Variants in MTUS2 observed in about 807,000 individuals in gnomAD.
MTUS2 encodes microtubule associated scaffold protein 2.
Under a neutral mutation model 114.1 loss-of-function variants are expected in MTUS2, and 40 were observed. The ratio of observed to expected loss-of-function variants is 0.35; its 90% CI spans 0.27 to 0.46. MTUS2 has a LOEUF of 0.46. Ranked by LOEUF, MTUS2 falls within the 20% of genes least tolerant of loss-of-function variation. MTUS2 has a pLI of 1.00. For synonymous variants in MTUS2, 688 were observed against 672.0 expected, an observed-to-expected ratio of 1.02 and a Z score of -0.37; for missense variants, 1,679 against 1,705.4, an observed-to-expected ratio of 0.98 and a Z score of 0.27.
In MTUS2 at chr13:29,398,259, G is replaced by A. The variant is rs528734134; in HGVS notation, c.3117+38786G>A. Among the ~76,000 whole-genome samples, 12 of 152,228 alleles carry A rather than the reference G, an allele frequency of 7.9e-5. No homozygotes were observed. The South Asian group carries it at 2.5e-3, about 32-fold the overall frequency. On this transcript the variant is annotated intron_variant, in intron 8 of 15. Coordinates refer to ENST00000612955, the MANE Select transcript of MTUS2 (RefSeq NM_001033602.4). ...GTGGACCACCTGAGGTCAGGAGTTCGAGACCAGCCTGGCCAACATGGCGAA... is the reference window on the plus strand; with the variant it reads ...GTGGACCACCTGAGGTCAGGAGTTCAAGACCAGCCTGGCCAACATGGCGAA...
chr13:28,999,196 A>G lies in MTUS2; in HGVS notation c.-242-25261A>G, dbSNP rs988576708. 7.0e-4 allele frequency among the ~76,000 whole-genome samples: 106 copies of G among 152,332 alleles called. 1 individual carries two copies. Among genetic ancestry groups the G allele is most frequent in the African/African-American group, 2.4e-3 (98 of 41,580 alleles). ...CCTGGGTATCAGCAGTGGTGGCTGCAGAACAGTGGATATTGGTGAACCGCA... is the reference window on the plus strand; with the variant it reads ...CCTGGGTATCAGCAGTGGTGGCTGCGGAACAGTGGATATTGGTGAACCGCA... On this transcript the variant is annotated intron_variant, in intron 2 of 15. Coordinates refer to ENST00000612955, the MANE Select transcript of MTUS2 (RefSeq NM_001033602.4).
At chr13:28,877,683 A>G (rs1251475877) in intron 2 of MTUS2, among the ~76,000 whole-genome samples, 1 of 152,060 alleles carries the variant, frequency 6.6e-6, no homozygotes, top group Non-Finnish European at 1.5e-5. Flanking sequence ...GCTTTGTTAA[A>G]TGAATCCATA....
At chr13:28,982,859 GT>G (rs1175220844) in intron 2 of MTUS2, among the ~76,000 whole-genome samples, 1 of 152,182 alleles carries the variant, frequency 6.6e-6, no homozygotes, top group African/African-American at 2.4e-5. Context: ...TAGAAGGGTG[GT>G]TGCCAGGGGT....
rs202001370 is a variant in MTUS2, at chr13:29,129,563, G to GT, written c.2644+28601dup. 5.2e-3 allele frequency among the ~76,000 whole-genome samples: 388 copies of GT among 75,320 alleles called. 1 individual carries two copies. The highest frequency in any genetic ancestry group is 0.019 in the Middle Eastern group (3 of 162). The allele number at this position is 75,320 out of a possible 152,430, so 49.4% of individuals were successfully genotyped here. A position where few individuals can be genotyped will look rare whatever the true frequency, so the allele number is the denominator to read the frequency against. On this transcript the variant is annotated intron_variant, in intron 5 of 15. Transcript: ENST00000612955. ...TTTTCAAACTTATTTTTACTTTGTA[G>GT]TTTTTTTTATTGATATATTTGTTCA...
At chr13:29,313,305 AT>A (rs1308336578) in intron 6 of MTUS2, among the ~76,000 whole-genome samples, 1 of 152,198 alleles carries the variant, frequency 6.6e-6, no homozygotes, top group Non-Finnish European at 1.5e-5. Context: ...ATTTCAAAAG[AT>A]TTGGCATTTT....
chr13:29,420,238 ACTTTCTTTCTTT>A (rs371996946), intron 8 of MTUS2, among the ~76,000 whole-genome samples: 8 of 149,066 alleles, frequency 5.4e-5, no homozygotes, highest in Admixed American at 2.0e-4. Flanking sequence ...TCCTTAACTT[ACTTTCTTTCTTT>A]CTTTCTTTCT....
intron 8 of MTUS2, among the ~76,000 whole-genome samples, chr13:29,370,197 G>A (rs908933651): frequency 6.6e-6 from 1 of 151,974 alleles, no homozygotes; most frequent in Non-Finnish European, 1.5e-5. Context: ...AAGAGAGAGA[G>A]AAAATGGTTT....
intron 8 of MTUS2, among the ~76,000 whole-genome samples, chr13:29,397,660 C>G (rs1236406015): frequency 6.6e-6 from 1 of 152,220 alleles, no homozygotes; most frequent in Non-Finnish European, 1.5e-5. Flanking sequence ...CTGCTGGACC[C>G]ACAAAGCAGA....
chr13:29,318,581 C>T (rs935131403), intron 6 of MTUS2, among the ~76,000 whole-genome samples: 1 of 151,888 alleles, frequency 6.6e-6, no homozygotes, highest in Non-Finnish European at 1.5e-5. Flanking sequence ...CTTTAGGGCC[C>T]ACAAGTCATG....
At chr13:28,998,080 G>A (rs1291003913) in intron 2 of MTUS2, among the ~76,000 whole-genome samples, 2 of 152,080 alleles carry the variant, frequency 1.3e-5, no homozygotes, top group African/African-American at 4.8e-5. Context: ...TTTTAGGGCA[G>A]GCCTGGTGGT....
chr13:29,072,816 A>G (rs1447483128), intron 4 of MTUS2, among the ~76,000 whole-genome samples: 1 of 152,032 alleles, frequency 6.6e-6, no homozygotes, highest in East Asian at 1.9e-4. Flanking sequence ...TCATTGACCA[A>G]CTCTTCTAAT....
At chr13:29,408,182 T>A (rs1162620072) in intron 8 of MTUS2, among the ~76,000 whole-genome samples, 1 of 152,206 alleles carries the variant, frequency 6.6e-6, no homozygotes, top group African/African-American at 2.4e-5. Flanking sequence ...TTAACGGGTA[T>A]ATAATGTATC....
chr13:29,454,322 T>C, intron 9 of MTUS2, among the ~76,000 whole-genome samples: 1 of 152,200 alleles, frequency 6.6e-6, no homozygotes, highest in East Asian at 1.9e-4. Context: ...TGAGGTGTCA[T>C]CTGGAGAGAC....
intron 8 of MTUS2, among the ~76,000 whole-genome samples, chr13:29,371,501 AGCCACTGT>A (rs1871190220): frequency 6.6e-6 from 1 of 152,186 alleles, no homozygotes; most frequent in Admixed American, 6.5e-5. Context: ...TACAGGCGTG[AGCCACTGT>A]GCCCGGCCTC....
chr13:29,307,639 A>G, intron 6 of MTUS2: 1 of 1,156,594 alleles, frequency 8.6e-7, no homozygotes, highest in Non-Finnish European at 1.3e-6. Flanking sequence ...TGACTTCAAC[A>G]GCGACACCCA....
intron 6 of MTUS2, among the ~76,000 whole-genome samples, chr13:29,291,186 A>G (rs1232390202): frequency 6.6e-6 from 1 of 152,118 alleles, no homozygotes; most frequent in African/African-American, 2.4e-5. Context: ...CGCCTGGTAG[A>G]GGCAGCTCAC....
chr13:29,441,148 C>G (rs1877818271), intron 9 of MTUS2, among the ~76,000 whole-genome samples: 1 of 152,102 alleles, frequency 6.6e-6, no homozygotes, highest in South Asian at 2.1e-4. Flanking sequence ...TCCGGAGCAG[C>G]AGGACCCTGC....
intron 5 of MTUS2, among the ~76,000 whole-genome samples, chr13:29,234,109 C>T (rs1056098465): frequency 3.9e-5 from 6 of 152,116 alleles, no homozygotes; most frequent in African/African-American, 1.4e-4. Context: ...AGCTTCCAGT[C>T]CCTCTTCCAT....
chr13:29,493,796 T>C (rs17601608), intron 12 of MTUS2, among the ~76,000 whole-genome samples: 11,409 of 152,294 alleles, frequency 0.075, 505 homozygotes, highest in Middle Eastern at 0.12. Context: ...CATACAGCGA[T>C]ATCACAAAAA....
Sources: gnomAD v4.1 joint callset for allele counts (sites outside exome capture counted in the v4.1 genomes callset) on GRCh38, gnomAD v4.1.1 for gene constraint, MANE v1.5 for transcripts, NCBI Gene and HGNC (gene_info 2026-07-23, HGNC 2026-07-21) for gene names.